The following NXPE2 variants were observed in gnomAD, a reference collection of about 807,000 sequenced individuals.
NXPE2 encodes the protein NXPE family member 2.
In NXPE2, 34 loss-of-function variants were observed where a neutral mutation model predicts 34.4. The observed-to-expected ratio is 0.99, with a 90% confidence interval of 0.75 to 1.31. The LOEUF is 1.31. Ranked by LOEUF, NXPE2 falls within the 40% of genes most tolerant of loss-of-function variation. The probability of loss-of-function intolerance (pLI) is 0.00; values close to 1 mark genes in which losing one functional copy is unlikely to be tolerated. For synonymous variants in NXPE2, 235 were observed against 231.3 expected (o/e 1.02, Z -0.15); for missense variants, 649 against 672.5 (o/e 0.97, Z 0.39).
the NXPE2 span, among the ~76,000 whole-genome samples, chr11:114,723,256 C>T: frequency 2.0e-5 from 3 of 151,632 alleles, no homozygotes; most frequent in Non-Finnish European, 4.4e-5. Context: ...TTTTCACAAA[C>T]TATACTGAAA....
the NXPE2 span, among the ~76,000 whole-genome samples, chr11:114,535,957 AC>A: frequency 6.6e-6 from 1 of 152,170 alleles, no homozygotes; most frequent in South Asian, 2.1e-4. Context: ...AGAACTCTCC[AC>A]CCCAAATCAA....
At chr11:114,707,415 G>T, downstream of NXPE2, 1 of 425,672 alleles carries the variant, frequency 2.3e-6, no homozygotes, top group Non-Finnish European at 4.7e-6. Flanking sequence ...TTTATTTTTC[G>T]AGACAGTCTC....
chr11:114,787,583 C>T, the NXPE2 span, among the ~76,000 whole-genome samples: 3 of 152,054 alleles, frequency 2.0e-5, no homozygotes, highest in East Asian at 5.8e-4. Flanking sequence ...GTGCAGGCAC[C>T]CTGCTGAAAT....
At chr11:114,796,226 C>A in the NXPE2 span, among the ~76,000 whole-genome samples, 22 of 152,230 alleles carry the variant, frequency 1.4e-4, no homozygotes, top group Non-Finnish European at 2.5e-4. Context: ...AGATTTGTTA[C>A]ACTGATATAT....
At chr11:114,699,038 G>T (rs138660443) in intron 3 of NXPE2, among the ~76,000 whole-genome samples, 1 of 152,022 alleles carries the variant, frequency 6.6e-6, no homozygotes, top group Non-Finnish European at 1.5e-5. Context: ...ATACTTCCAG[G>T]TTCAGTAATT....
the NXPE2 span, among the ~76,000 whole-genome samples, chr11:114,640,134 T>C: frequency 8.7e-6 from 1 of 115,016 alleles, no homozygotes; most frequent in Non-Finnish European, 1.6e-5. Context: ...TGTAATATAT[T>C]ATATATAATA....
At chr11:114,744,348 T>G in the NXPE2 span, among the ~76,000 whole-genome samples, 1 of 152,210 alleles carries the variant, frequency 6.6e-6, no homozygotes, top group Non-Finnish European at 1.5e-5. Context: ...CTCTGACACC[T>G]TTGAACTTGT....
upstream of NXPE2, chr11:114,678,379 C>G: frequency 2.1e-6 from 1 of 476,346 alleles, no homozygotes; most frequent in Non-Finnish European, 3.8e-6. Context: ...CCTTCTGGCT[C>G]TGTGGTGTGG....
At chr11:114,762,376 C>T in the NXPE2 span, among the ~76,000 whole-genome samples, 48,430 of 151,968 alleles carry the variant, frequency 0.32, 8,490 homozygotes, top group East Asian at 0.43. Flanking sequence ...TGCACATATC[C>T]GAGACAGTCT....
intron 2 of NXPE2, among the ~76,000 whole-genome samples, chr11:114,689,915 T>C (rs1792416): frequency 0.88 from 134,553 of 152,136 alleles, 59,872 homozygotes; most frequent in Non-Finnish European, 0.92. Context: ...ATAACAAACT[T>C]GGCTCTTTTT....
chr11:114,465,465 G>A, the NXPE2 span, among the ~76,000 whole-genome samples: 8 of 152,096 alleles, frequency 5.3e-5, no homozygotes, highest in African/African-American at 1.4e-4. Context: ...TTTTTAGGGT[G>A]TACATAAGTG....
the NXPE2 span, among the ~76,000 whole-genome samples, chr11:114,540,507 G>C: frequency 6.6e-6 from 1 of 152,146 alleles, no homozygotes; most frequent in East Asian, 1.9e-4. Flanking sequence ...GAAACACTGA[G>C]AAATAACTAG....
chr11:114,577,639 G>A, the NXPE2 span, among the ~76,000 whole-genome samples: 1 of 152,302 alleles, frequency 6.6e-6, no homozygotes, highest in Admixed American at 6.5e-5. Flanking sequence ...CTAATGGAGT[G>A]GGGATGGAAA....
chr11:114,658,849 A>C, the NXPE2 span, among the ~76,000 whole-genome samples: 1 of 152,288 alleles, frequency 6.6e-6, no homozygotes, highest in East Asian at 1.9e-4. Flanking sequence ...GATCACCAAC[A>C]AAAGAGAATC....
the NXPE2 span, among the ~76,000 whole-genome samples, chr11:114,495,730 G>T: frequency 3.9e-5 from 6 of 152,206 alleles, no homozygotes; most frequent in Admixed American, 1.3e-4. Flanking sequence ...AGTAGACGAT[G>T]AATTTCACCA....
At chr11:114,756,402 A>G in the NXPE2 span, among the ~76,000 whole-genome samples, 9 of 152,186 alleles carry the variant, frequency 5.9e-5, no homozygotes, top group African/African-American at 2.2e-4. Flanking sequence ...AGGTAAAATT[A>G]TTAGCTTTTT....
chr11:114,612,430 C>G, the NXPE2 span, among the ~76,000 whole-genome samples: 2 of 151,818 alleles, frequency 1.3e-5, no homozygotes, highest in South Asian at 4.1e-4. Flanking sequence ...TAAGTGTTGC[C>G]TCGTGGGTCA....
chr11:114,728,753 A>G, the NXPE2 span, among the ~76,000 whole-genome samples: 1 of 152,104 alleles, frequency 6.6e-6, no homozygotes, highest in Non-Finnish European at 1.5e-5. Context: ...CAATATGTAA[A>G]TAAATAGGCT....
downstream of NXPE2, among the ~76,000 whole-genome samples, chr11:114,709,961 TA>T (rs1297796449): frequency 6.6e-5 from 10 of 151,244 alleles, no homozygotes; most frequent in African/African-American, 2.2e-4. Flanking sequence ...GGAAAATCCA[TA>T]AATATTTAGA....
Sources: gnomAD v4.1 joint callset for allele counts (sites outside exome capture counted in the v4.1 genomes callset) on GRCh38, gnomAD v4.1.1 for gene constraint, MANE v1.5 for transcripts, NCBI Gene and HGNC (gene_info 2026-07-23, HGNC 2026-07-21) for gene names.